MDN1: variants seen among roughly 807,000 people sequenced by gnomAD.
The protein encoded by MDN1 is midasin.
A neutral mutation model predicts 669.2 loss-of-function variants in MDN1; 266 were observed. That is an observed-to-expected ratio of 0.40 (90% CI 0.36 to 0.44). MDN1 has a LOEUF of 0.44. Ranked by LOEUF, MDN1 falls within the 20% of genes least tolerant of loss-of-function variation. The pLI is 1.00. For missense variants in MDN1, 5,940 were observed against 6,754.0 expected (o/e 0.88, Z 4.22); for synonymous variants, 2,385 against 2,457.1 (o/e 0.97, Z 0.87).
chr6:89,805,148 G>C (rs2128329793), intron 1 of MDN1, among the ~76,000 whole-genome samples: 1 of 152,040 alleles, frequency 6.6e-6, no homozygotes, highest in Non-Finnish European at 1.5e-5. Flanking sequence ...TGTGTATACA[G>C]GTCTGCACAA....
intron 8 of MDN1, among the ~76,000 whole-genome samples, chr6:89,786,542 G>A (rs1002600443): frequency 4.6e-5 from 7 of 152,084 alleles, no homozygotes; most frequent in Non-Finnish European, 8.8e-5. Flanking sequence ...AGGAGTTTGT[G>A]GTTACAGTAA....
chr6:89,807,425 G>A (rs1768092219), intron 1 of MDN1, among the ~76,000 whole-genome samples: 1 of 152,168 alleles, frequency 6.6e-6, no homozygotes, highest in Admixed American at 6.6e-5. Context: ...ATGTTTCATT[G>A]TGTTGTTTCT....
chr6:89,656,802 C>G lies in MDN1; in HGVS notation c.15184-1G>C. On this transcript the variant is annotated splice_acceptor_variant, in intron 90 of 101. Coordinates refer to ENST00000369393, the MANE Select transcript of MDN1 (RefSeq NM_014611.3). LOFTEE classifies it high-confidence loss of function. ...CATCTGCAGCTCCACTTCCGTGTTC[C>G]TAGGAAATCCAAGCCACAAAAGAAT... The G allele has an allele frequency of 6.2e-7, 1 of 1,611,550 alleles. No individual in the cohort carries two copies.
At chr6:89,658,158 A>G (rs764762805) in intron 90 of MDN1, 51 bp downstream of exon 90, 121 of 1,605,540 alleles carry the variant, frequency 7.5e-5, no homozygotes, top group Non-Finnish European at 1.0e-4. Flanking sequence ...GGACAGGGAG[A>G]AGAGACCCTA....
At chr6:89,709,700 G>A (rs1813752108) in intron 50 of MDN1, among the ~76,000 whole-genome samples, 1 of 152,106 alleles carries the variant, frequency 6.6e-6, no homozygotes, top group African/African-American at 2.4e-5. Context: ...TGAAGATGGA[G>A]GTAGAAAATT....
intron 15 of MDN1, among the ~76,000 whole-genome samples, chr6:89,764,111 G>A (rs1349431089): frequency 1.3e-5 from 2 of 152,160 alleles, no homozygotes; most frequent in Non-Finnish European, 2.9e-5. Context: ...AGCTACTTGG[G>A]AGGCTAAGAA....
At chr6:89,661,373 TCAATTA>T in intron 88 of MDN1, 52 bp downstream of exon 88, 1 of 1,556,118 alleles carries the variant, frequency 6.4e-7, no homozygotes, top group South Asian at 1.2e-5. Context: ...AAAAGAGAAA[TCAATTA>T]CTGTTCACTA....
intron 34 of MDN1, among the ~76,000 whole-genome samples, chr6:89,731,943 A>C: frequency 6.6e-6 from 1 of 150,534 alleles, no homozygotes. Flanking sequence ...CATTACAAAC[A>C]CCCCTCCCCC....
intron 59 of MDN1, among the ~76,000 whole-genome samples, chr6:89,698,171 A>G (rs1254721316): frequency 1.3e-5 from 2 of 152,214 alleles, no homozygotes; most frequent in Non-Finnish European, 2.9e-5. Context: ...TAAAAAAGTG[A>G]AAAGCAAAAA....
At chr6:89,699,756 G>A (rs976436202) in intron 57 of MDN1, 29 bp from the exon 58 acceptor site, 6 of 1,612,094 alleles carry the variant, frequency 3.7e-6, no homozygotes, top group South Asian at 3.3e-5. Context: ...GGGAGAGGGT[G>A]GGGTATGGAC....
intron 17 of MDN1, among the ~76,000 whole-genome samples, chr6:89,759,770 C>CA (rs910018676): frequency 5.4e-5 from 8 of 146,846 alleles, no homozygotes; most frequent in Non-Finnish European, 1.2e-4. Flanking sequence ...GTCTCAAAAA[C>CA]AAAAAAAGAA....
rs191600989 is a variant in MDN1, at chr6:89,760,899, G to A, written c.2460+746C>T. ...GCCTTGGCCAGGCGCGGTGGCTCAC[G>A]CCTGTAATCTCAGCACTTTGGGAGG... On this transcript the variant is annotated intron_variant, in intron 17 of 101. Coordinates refer to ENST00000369393, the MANE Select transcript of MDN1 (RefSeq NM_014611.3). Among the ~76,000 whole-genome samples the A allele has an allele frequency of 5.0e-3, 754 of 152,254 alleles. 4 individuals are homozygous for A. Among genetic ancestry groups the A allele is most frequent in the Non-Finnish European group, 5.6e-3 (379 of 68,026 alleles).
intron 71 of MDN1, among the ~76,000 whole-genome samples, chr6:89,684,272 G>C (rs1250100073): frequency 6.6e-6 from 1 of 152,012 alleles, no homozygotes; most frequent in Non-Finnish European, 1.5e-5. Flanking sequence ...GAACCCGGGA[G>C]GCAAAGGCTG....
rs148384764 is a variant in MDN1 at position 89,686,480 on chromosome 6, G to C, written c.11572+422C>G. ...TAAATAAAAGTAGCAGCTGCACATA[G>C]AGCATGTGTTAAATGCACTCACAGC... is the stretch of plus-strand genomic sequence containing the variant. On this transcript the variant is annotated intron_variant, in intron 69 of 101. Transcript: ENST00000369393. 1.2e-4 allele frequency among the ~76,000 whole-genome samples: 18 copies of C among 152,150 alleles called. No individual in the cohort carries two copies. In the East Asian group the frequency reaches 3.1e-3, roughly 26 times the overall value.
intron 1 of MDN1, among the ~76,000 whole-genome samples, chr6:89,818,661 G>T (rs1301777482): frequency 6.6e-6 from 1 of 150,554 alleles, no homozygotes; most frequent in Non-Finnish European, 1.5e-5. Context: ...AATACAAAAA[G>T]TAGCTAGGCA....
At chr6:89,667,281 CA>C (rs1020471811) in intron 84 of MDN1, among the ~76,000 whole-genome samples, 244 of 138,978 alleles carry the variant, frequency 1.8e-3, no homozygotes, top group Admixed American at 2.3e-3. Flanking sequence ...AATATAGGTC[CA>C]AAAAAAAAAA....
intron 1 of MDN1, chr6:89,815,336 A>T (rs1768752371): frequency 2.1e-6 from 1 of 476,046 alleles, no homozygotes; most frequent in Non-Finnish European, 4.2e-6. Flanking sequence ...GAGCTGGATG[A>T]AGCCATTATG....
At chr6:89,701,844 A>T in intron 54 of MDN1, 60 bp downstream of exon 54, 1 of 1,560,068 alleles carries the variant, frequency 6.4e-7, no homozygotes, top group Non-Finnish European at 8.7e-7. Flanking sequence ...TCGGTTCCAA[A>T]TCTTATCCTT....
At chr6:89,689,526 G>A (rs971704411) in intron 65 of MDN1, among the ~76,000 whole-genome samples, 9 of 152,154 alleles carry the variant, frequency 5.9e-5, no homozygotes, top group African/African-American at 1.9e-4. Flanking sequence ...AAAGCACTAA[G>A]GCTATTTGAC....
Sources: allele counts gnomAD v4.1 joint callset (sites outside exome capture counted in the v4.1 genomes callset), GRCh38; gene constraint gnomAD v4.1.1; transcripts MANE v1.5; gene names NCBI Gene and HGNC (gene_info 2026-07-23, HGNC 2026-07-21).